The following JAK1 variants were observed in gnomAD, a reference collection of about 807,000 sequenced individuals.
JAK1 encodes the protein tyrosine-protein kinase JAK1.
In JAK1, 16 loss-of-function variants were observed where a neutral mutation model predicts 136.6. The ratio of observed to expected loss-of-function variants is 0.12; its 90% CI spans 0.08 to 0.18. The LOEUF (loss-of-function observed/expected upper bound fraction) is 0.18, where lower values mean the gene tolerates loss of function less well. JAK1 is among the 10% of genes least tolerant of loss of function. JAK1 has a pLI of 1.00. For missense variants in JAK1, 859 were observed against 1,450.1 expected (o/e 0.59, Z 6.62); for synonymous variants, 492 against 519.5 (o/e 0.95, Z 0.72).
At chr1:64,922,856 T>A (rs1454360281) in intron 1 of JAK1, among the ~76,000 whole-genome samples, 1 of 152,174 alleles carries the variant, frequency 6.6e-6, no homozygotes, top group African/African-American at 2.4e-5. Flanking sequence ...CTGCCACTTA[T>A]GAGCTCTGTG....
At chr1:64,912,884 G>T (rs925666096) in intron 1 of JAK1, among the ~76,000 whole-genome samples, 3 of 152,316 alleles carry the variant, frequency 2.0e-5, no homozygotes, top group African/African-American at 7.2e-5. Flanking sequence ...TGGCTGGAAA[G>T]AAACTGGATT....
At chr1:64,925,234 T>TA (rs35866783) in intron 1 of JAK1, among the ~76,000 whole-genome samples, 44 of 143,794 alleles carry the variant, frequency 3.1e-4, no homozygotes, top group African/African-American at 6.1e-4. Flanking sequence ...CCATCTCTAC[T>TA]AAAAAAAAAA....
intron 1 of JAK1, among the ~76,000 whole-genome samples, 152 bp from the exon 2 acceptor site, chr1:64,886,493 A>T (rs78419577): frequency 2.0e-5 from 3 of 152,182 alleles, no homozygotes; most frequent in Admixed American, 2.0e-4. Flanking sequence ...AAACAAAAAA[A>T]TGGCCTAGGA....
intron 7 of JAK1, among the ~76,000 whole-genome samples, chr1:64,866,035 C>CA (rs1656683493): frequency 6.6e-6 from 1 of 152,206 alleles, no homozygotes; most frequent in African/African-American, 2.4e-5. Context: ...GCTGGGGTTA[C>CA]AGGTGTGAGC....
In JAK1 at chr1:64,834,420, T is replaced by C. The variant is rs956655923; in HGVS notation, c.*142A>G. ...AGCACTACAGTGTGCCTTATACATG[T>C]ATATGTACTGAAGTATGAGTTCAGT... On this transcript the variant is annotated 3_prime_UTR_variant, in exon 25 of 25. Transcript: ENST00000342505. The C allele has an allele frequency of 4.4e-5, 27 of 616,124 alleles. No individual in the cohort carries two copies. Among genetic ancestry groups the C allele is most frequent in the Non-Finnish European group, 7.4e-5 (25 of 339,388 alleles). The allele number at this position is 616,124 out of a possible 1,614,324, so 38.2% of individuals were successfully genotyped here. A position where few individuals can be genotyped will look rare whatever the true frequency, so the allele number is the denominator to read the frequency against.
chr1:64,914,945 C>A (rs1475047568), intron 1 of JAK1, among the ~76,000 whole-genome samples: 2 of 152,136 alleles, frequency 1.3e-5, no homozygotes, highest in Non-Finnish European at 2.9e-5. Context: ...TTCCTCAATA[C>A]AAGATAAGGC....
chr1:64,925,430 G>A (rs1448880805), intron 1 of JAK1, among the ~76,000 whole-genome samples: 2 of 151,944 alleles, frequency 1.3e-5, no homozygotes, highest in African/African-American at 4.8e-5. Context: ...ACCTAAAACT[G>A]CTTTAAGAAA....
intron 3 of JAK1, among the ~76,000 whole-genome samples, chr1:64,880,204 G>A (rs564086961): frequency 6.6e-6 from 1 of 152,284 alleles, no homozygotes; most frequent in South Asian, 2.1e-4. Context: ...GCTATCTAGT[G>A]CTCTCCTGAA....
chr1:64,892,409 A>G (rs1644952060), intron 1 of JAK1, among the ~76,000 whole-genome samples: 1 of 151,990 alleles, frequency 6.6e-6, no homozygotes, highest in Non-Finnish European at 1.5e-5. Context: ...GCCTCCCAAG[A>G]AGGTGGGATA....
At chr1:64,992,883 CGA>C (rs1646670499) in intron 2 of JAK1, 1 of 136,170 alleles carries the variant, frequency 7.3e-6, no homozygotes, top group Non-Finnish European at 1.5e-5. Flanking sequence ...AGCGAGATTC[CGA>C]GATTCTGTCT....
Position 64,928,792 on chromosome 1 carries a change from A to AAAC in JAK1, c.-78+37540_-78+37541insGTT, listed in dbSNP as rs1553170031. 5.6e-5 allele frequency among the ~76,000 whole-genome samples: 7 copies of AAAC among 125,556 alleles called. No homozygotes were observed. The East Asian group carries it at 3.4e-3, about 60-fold the overall frequency. 82.4% of individuals were successfully genotyped at this position (125,556 alleles called of 152,430 possible). A position where few individuals can be genotyped will look rare whatever the true frequency, so the allele number is the denominator to read the frequency against. ...ATAAAACTCTGCAAAAAAAAAAAAA[A>AAAC]AAAACAAAAAAAAAAAACTCTGCAA... On this transcript the variant is annotated intron_variant, in intron 1 of 24. Coordinates refer to ENST00000342505, the MANE Select transcript of JAK1 (RefSeq NM_002227.4).
At chr1:64,911,096 AC>A (rs1356556225) in intron 1 of JAK1, among the ~76,000 whole-genome samples, 3 of 151,610 alleles carry the variant, frequency 2.0e-5, no homozygotes, top group Admixed American at 6.6e-5. Flanking sequence ...AAAAAAAAAA[AC>A]AATTATTATC....
rs748142963 is a variant in JAK1 at position 64,866,945 on chromosome 1, G to C, written c.911C>G (p.Ser304Trp). ...GTAGAGAACGTTTCCACCGTCATTC[G>C]AATGAAACCAATTCATCTCATTTTC... ...SSENEMNWFH[S>W]NDGGNVLYYE... is the part of the protein sequence containing the mutation. The change falls in exon 7 of 25, where the codon TCG (serine) becomes TGG (tryptophan). Residue 304 changes from serine (S) to tryptophan (W), a missense_variant. By Grantham distance (177) the Ser-to-Trp change is radical. This residue lies in a region of JAK1 where 353 missense variants were observed against 494.0 expected (regional missense o/e 0.71). Coordinates refer to ENST00000342505, the MANE Select transcript of JAK1 (RefSeq NM_002227.4). 6.2e-7 allele frequency: 1 copy of C among 1,614,126 alleles called. No individual in the cohort carries two copies. Among genetic ancestry groups the C allele is most frequent in the Non-Finnish European group, 8.5e-7 (1 of 1,179,980 alleles).
intron 2 of JAK1, among the ~76,000 whole-genome samples, chr1:64,986,327 G>A (rs567793791): frequency 5.8e-4 from 88 of 152,052 alleles, no homozygotes; most frequent in Non-Finnish European, 8.7e-4. Context: ...GGCTGGTCTC[G>A]AACTCCTGAC....
At chr1:64,988,982 A>ATG (rs1244529592) in intron 2 of JAK1, among the ~76,000 whole-genome samples, 4,351 of 128,330 alleles carry the variant, frequency 0.034, 161 homozygotes, top group African/African-American at 0.092. Context: ...ATATATGTAT[A>ATG]TGTGTGTGTG....
chr1:64,923,520 T>C (rs1014680587), intron 1 of JAK1, among the ~76,000 whole-genome samples: 5 of 152,208 alleles, frequency 3.3e-5, no homozygotes, highest in Non-Finnish European at 5.9e-5. Context: ...CATGGGGACA[T>C]TTCCATTGGT....
intron 1 of JAK1, among the ~76,000 whole-genome samples, chr1:64,957,075 G>A (rs1646200746): frequency 6.6e-6 from 1 of 152,184 alleles, no homozygotes; most frequent in Non-Finnish European, 1.5e-5. Context: ...GTGACCTCAA[G>A]GAAGCAGTCT....
chr1:64,943,086 A>G (rs548955026), intron 1 of JAK1, among the ~76,000 whole-genome samples: 4 of 152,312 alleles, frequency 2.6e-5, no homozygotes, highest in African/African-American at 9.6e-5. Context: ...CAGAGAAGTT[A>G]TTTCTTTAGT....
Position 64,844,378 on chromosome 1 carries a change from C to T in JAK1, c.2252-163G>A, listed in dbSNP as rs950816110. ...AGGCCCTGTGCGGGGGGCCTGCAGGCGTGCAGCCCTCCAAGCCACCACCAG... is the reference window on the plus strand; with the variant it reads ...AGGCCCTGTGCGGGGGGCCTGCAGGTGTGCAGCCCTCCAAGCCACCACCAG... On this transcript the variant is annotated intron_variant, in intron 16 of 24. Transcript: ENST00000342505. The surrounding 1 kb of genome is among the most constrained non-coding windows in gnomAD (Gnocchi z 5.7). 5.9e-5 allele frequency among the ~76,000 whole-genome samples: 9 copies of T among 152,300 alleles called. No individual in the cohort carries two copies. The highest frequency in any genetic ancestry group is 3.9e-4 in the East Asian group (2 of 5,174).
Sources: gnomAD v4.1 joint callset for allele counts (sites outside exome capture counted in the v4.1 genomes callset) on GRCh38, gnomAD v4.1.1 for gene constraint, gnomAD v4.1.1 regional missense constraint, Gnocchi (gnomAD v3.1) non-coding constraint, MANE v1.5 for transcripts, NCBI Gene and HGNC (gene_info 2026-07-23, HGNC 2026-07-21) for gene names.